Variants in CALN1 observed in about 807,000 individuals in gnomAD.
CALN1 encodes calneuron 1, also known as calcium-binding protein 8.
Under a neutral mutation model 30.6 loss-of-function variants are expected in CALN1, and 17 were observed. The observed-to-expected ratio is 0.56, with a 90% CI of 0.38 to 0.83. The LOEUF (loss-of-function observed/expected upper bound fraction) is 0.83, where lower values mean the gene tolerates loss of function less well. Ranked by LOEUF, CALN1 falls within the 40% of genes least tolerant of loss-of-function variation. The pLI, the probability that CALN1 is intolerant of heterozygous loss-of-function variation, is 0.00. For missense variants in CALN1, 291 were observed against 354.9 expected (o/e 0.82, Z 1.45); for synonymous variants, 156 against 131.4 (o/e 1.19, Z -1.28).
rs550302385 is a variant in CALN1 at position 71,923,001 on chromosome 7, CACTAT to C, written c.501+100651_501+100655del. Among the ~76,000 whole-genome samples, 1,314 of 145,662 alleles carry C rather than the reference CACTAT, an allele frequency of 9.0e-3. 18 individuals are homozygous for C. Among genetic ancestry groups the C allele is most frequent in the African/African-American group, 0.032 (1,226 of 38,894 alleles). On this transcript the variant is annotated intron_variant, in intron 5 of 6. Coordinates refer to ENST00000395275, the MANE Select transcript of CALN1 (RefSeq NM_031468.4). ...CTATCTCTATGTATCTATCTAACTA[CACTAT>C]ACTATACTATACTATACTATTCTAT...
intron 5 of CALN1, among the ~76,000 whole-genome samples, chr7:71,983,178 G>A (rs906058292): frequency 3.3e-5 from 5 of 152,186 alleles, no homozygotes; most frequent in African/African-American, 1.2e-4. Flanking sequence ...CTCGAGAAGA[G>A]CAAGCTATTC....
intron 2 of CALN1, among the ~76,000 whole-genome samples, chr7:72,382,734 A>G (rs1289782278): frequency 2.0e-5 from 3 of 152,154 alleles, no homozygotes; most frequent in Non-Finnish European, 4.4e-5. Flanking sequence ...CTCCTTCTGC[A>G]TTAGTTCAAC....
At chr7:71,815,353 C>G (rs1372470906) in intron 5 of CALN1, among the ~76,000 whole-genome samples, 2 of 152,144 alleles carry the variant, frequency 1.3e-5, no homozygotes, top group Admixed American at 6.6e-5. Flanking sequence ...TTTGGCCAAT[C>G]AACTGAGAGC....
chr7:71,885,442 G>A (rs1384277195), intron 5 of CALN1, among the ~76,000 whole-genome samples: 2 of 152,120 alleles, frequency 1.3e-5, no homozygotes, highest in Non-Finnish European at 2.9e-5. Flanking sequence ...GTGAGCCACC[G>A]CCCCCAGCCG....
intron 6 of CALN1, among the ~76,000 whole-genome samples, chr7:71,791,872 G>A (rs1184360208): frequency 1.3e-5 from 2 of 152,166 alleles, no homozygotes; most frequent in East Asian, 1.9e-4. Context: ...TTAGCCGGGC[G>A]TGTTGGCGGG....
At chr7:71,830,042 T>G (rs1378010952) in intron 5 of CALN1, among the ~76,000 whole-genome samples, 1 of 151,880 alleles carries the variant, frequency 6.6e-6, no homozygotes, top group Non-Finnish European at 1.5e-5. Context: ...CCTTTTTTTT[T>G]TTTTTTGTTC....
chr7:72,058,200 C>T (rs527390214), intron 4 of CALN1, among the ~76,000 whole-genome samples: 5 of 151,508 alleles, frequency 3.3e-5, no homozygotes, highest in African/African-American at 7.3e-5. Context: ...CCTGGATGAT[C>T]GTAAGTGCAA....
At chr7:72,135,180 A>C (rs1809421365) in intron 3 of CALN1, among the ~76,000 whole-genome samples, 2 of 152,188 alleles carry the variant, frequency 1.3e-5, no homozygotes, top group African/African-American at 4.8e-5. Flanking sequence ...ATCATCCATG[A>C]AGGCTGGAAT....
chr7:72,418,893 G>A (rs962321693), intron 1 of CALN1, among the ~76,000 whole-genome samples: 2 of 152,124 alleles, frequency 1.3e-5, no homozygotes, highest in Admixed American at 6.6e-5. Context: ...ATGCATGCCT[G>A]TTATCCCAGC....
intron 5 of CALN1, among the ~76,000 whole-genome samples, chr7:71,981,908 G>C (rs527488946): frequency 6.6e-6 from 1 of 152,042 alleles, no homozygotes; most frequent in Admixed American, 6.5e-5. Flanking sequence ...TACGAGAGTC[G>C]AGGAAAAACA....
chr7:72,398,331 C>A (rs1274331472), intron 2 of CALN1, among the ~76,000 whole-genome samples: 1 of 152,140 alleles, frequency 6.6e-6, no homozygotes, highest in Non-Finnish European at 1.5e-5. Context: ...GAGAAAAGTT[C>A]CCTTTGAATT....
chr7:71,914,519 T>C (rs1462718804), intron 5 of CALN1, among the ~76,000 whole-genome samples: 1 of 152,238 alleles, frequency 6.6e-6, no homozygotes, highest in African/African-American at 2.4e-5. Flanking sequence ...TATTCGTGCA[T>C]GTGTCTTTAT....
intron 5 of CALN1, among the ~76,000 whole-genome samples, chr7:71,990,880 G>A (rs1253840944): frequency 6.6e-6 from 1 of 152,034 alleles, no homozygotes; most frequent in Non-Finnish European, 1.5e-5. Flanking sequence ...GGTCTGGATT[G>A]GGGCCCGTTT....
At chr7:71,853,822 C>T (rs12699103) in intron 5 of CALN1, among the ~76,000 whole-genome samples, 21,983 of 147,930 alleles carry the variant, frequency 0.15, 2,540 homozygotes, top group East Asian at 0.52. Flanking sequence ...TCAGGTAATC[C>T]GCCCACCTCG....
chr7:71,995,173 C>A (rs115507315), intron 5 of CALN1, among the ~76,000 whole-genome samples: 1 of 152,112 alleles, frequency 6.6e-6, no homozygotes, highest in African/African-American at 2.4e-5. Flanking sequence ...TTTTTTATTA[C>A]GCACATGGGT....
At chr7:72,149,839 C>A (rs934506123) in intron 3 of CALN1, among the ~76,000 whole-genome samples, 2 of 151,992 alleles carry the variant, frequency 1.3e-5, no homozygotes, top group African/African-American at 2.4e-5. Flanking sequence ...ACAGGCCAGG[C>A]ACCGTGGCTC....
At chr7:72,388,929 G>A (rs1161047513) in intron 2 of CALN1, among the ~76,000 whole-genome samples, 2 of 152,154 alleles carry the variant, frequency 1.3e-5, no homozygotes, top group African/African-American at 4.8e-5. Context: ...CTTCCTCTCA[G>A]CTCTGTGTGG....
chr7:72,161,593 A>G (rs1180703356), intron 3 of CALN1, among the ~76,000 whole-genome samples: 1 of 152,226 alleles, frequency 6.6e-6, no homozygotes, highest in East Asian at 1.9e-4. Flanking sequence ...AACAGACCCT[A>G]AAATGTGGAA....
intron 3 of CALN1, among the ~76,000 whole-genome samples, chr7:72,191,367 C>T (rs1387061967): frequency 6.6e-6 from 1 of 151,920 alleles, no homozygotes; most frequent in South Asian, 2.1e-4. Flanking sequence ...TTTGGGAGGG[C>T]GACGCAGGTG....
Sources: allele counts gnomAD v4.1 joint callset (sites outside exome capture counted in the v4.1 genomes callset), GRCh38; gene constraint gnomAD v4.1.1; transcripts MANE v1.5; gene names NCBI Gene and HGNC (gene_info 2026-07-23, HGNC 2026-07-21).